The following ADAM19 variants were observed in gnomAD, a reference collection of about 807,000 sequenced individuals.
ADAM19 encodes the protein disintegrin and metalloproteinase domain-containing protein 19.
In ADAM19, 65 loss-of-function variants were observed where a neutral mutation model predicts 114.7. The ratio of observed to expected loss-of-function variants is 0.57; its 90% CI spans 0.46 to 0.70. The LOEUF (loss-of-function observed/expected upper bound fraction) is 0.70. Ranked by LOEUF, ADAM19 falls within the 30% of genes least tolerant of loss-of-function variation. The pLI, the probability that ADAM19 is intolerant of heterozygous loss-of-function variation, is 0.00. For missense variants in ADAM19, 1,063 were observed against 1,204.7 expected (o/e 0.88, Z 1.74); for synonymous variants, 466 against 460.5 (o/e 1.01, Z -0.15).
intron 3 of ADAM19, among the ~76,000 whole-genome samples, chr5:157,544,519 T>C (rs1009808647): frequency 6.6e-6 from 1 of 152,164 alleles, no homozygotes; most frequent in African/African-American, 2.4e-5. Flanking sequence ...CTTTACTTAA[T>C]CCTCTTCAGG....
chr5:157,556,209 CTTTTTTTTTTTT>C (rs68078503), intron 3 of ADAM19, among the ~76,000 whole-genome samples: 1 of 66,328 alleles, frequency 1.5e-5, no homozygotes, highest in African/African-American at 6.0e-5. Context: ...TTTTCTTTTT[CTTTTTTTTTTTT>C]TTTTTTTTTT....
intron 16 of ADAM19, 40 bp from the exon 17 acceptor site, chr5:157,491,952 G>A (rs1407947090): frequency 1.9e-6 from 3 of 1,604,862 alleles, no homozygotes; most frequent in Non-Finnish European, 8.5e-7. Context: ...GCAATGGGAG[G>A]GATGCTGGTT....
chr5:157,502,251 T>C (rs1390400270), intron 12 of ADAM19, among the ~76,000 whole-genome samples: 2 of 152,200 alleles, frequency 1.3e-5, no homozygotes, highest in African/African-American at 4.8e-5. Flanking sequence ...ATGACCGGGC[T>C]CTGCCGTGTA....
chr5:157,498,775 C>T (rs1755453386), intron 13 of ADAM19, among the ~76,000 whole-genome samples: 1 of 151,262 alleles, frequency 6.6e-6, no homozygotes, highest in Non-Finnish European at 1.5e-5. Context: ...AACCCCCCAG[C>T]AAGGCTGGGG....
chr5:157,484,440 C>T (rs1034454893), intron 21 of ADAM19, among the ~76,000 whole-genome samples: 4 of 152,072 alleles, frequency 2.6e-5, no homozygotes, highest in African/African-American at 4.8e-5. Flanking sequence ...CTGTCCCACC[C>T]GCAGGCCCCC....
rs765378508 is a variant in ADAM19, at chr5:157,488,465, G to A, written c.2350C>T (p.Arg784Trp). The A allele has an allele frequency of 1.4e-5, 22 of 1,605,754 alleles. No homozygotes were observed. The highest frequency in any genetic ancestry group is 1.8e-4 in the Middle Eastern group (1 of 5,520). Residue 784 changes from arginine (R) to tryptophan (W), a missense_variant, in exon 21 of 23, where the codon CGG becomes TGG. Transcript: ENST00000257527. ...RKVINTPEIL[R>W]KPSQPPPRPP... ...CGGGGAGGAGGCTGGGAGGGCTTCC[G>A]CAGGATTTCCGGAGTGTTGATCACC... is the stretch of plus-strand genomic sequence containing the variant.
At chr5:157,550,686 G>GA (rs60281885) in intron 3 of ADAM19, among the ~76,000 whole-genome samples, 29,045 of 139,724 alleles carry the variant, frequency 0.21, 3,951 homozygotes, top group African/African-American at 0.39. Context: ...AAGCTGTTTG[G>GA]AAAAAAAAAA....
intron 7 of ADAM19, among the ~76,000 whole-genome samples, chr5:157,516,811 AG>A (rs1003939579): frequency 6.6e-6 from 1 of 152,198 alleles, no homozygotes; most frequent in Non-Finnish European, 1.5e-5. Flanking sequence ...GGCCAGAGTC[AG>A]TTATCTCCTC....
In ADAM19 at chr5:157,509,395, C is replaced by T; in HGVS notation, c.811G>A (p.Val271Ile). ...AGGGTAGAATATGGATTCTCTGAAA[C>T]TTCACACATGTTCCCGTGGGTCCAC... ...EVWTHGNMCE[V>I]SENPYSTLWS... Residue 271 changes from valine (V) to isoleucine (I), a missense_variant, in exon 9 of 23, where the codon GTT becomes ATT. This residue lies in a region of ADAM19 where 615 missense variants were observed against 706.3 expected (regional missense o/e 0.87). Coordinates refer to ENST00000257527, the MANE Select transcript of ADAM19 (RefSeq NM_033274.5). 6 of 1,613,674 alleles carry T rather than the reference C, an allele frequency of 3.7e-6. No homozygotes were observed. The highest frequency in any genetic ancestry group is 5.1e-6 in the Non-Finnish European group (6 of 1,179,818).
intron 3 of ADAM19, among the ~76,000 whole-genome samples, chr5:157,545,635 C>G (rs1355602562): frequency 6.6e-6 from 1 of 152,108 alleles, no homozygotes; most frequent in Non-Finnish European, 1.5e-5. Context: ...TCTGCCCAAC[C>G]CTGACCTCCA....
At chr5:157,516,734 G>A (rs1756101373) in intron 7 of ADAM19, among the ~76,000 whole-genome samples, 1 of 152,156 alleles carries the variant, frequency 6.6e-6, no homozygotes, top group Non-Finnish European at 1.5e-5. Context: ...GTGGAAAAAT[G>A]TCCCAGAGTC....
intron 2 of ADAM19, among the ~76,000 whole-genome samples, chr5:157,565,640 C>T (rs192563563): frequency 3.1e-4 from 46 of 150,350 alleles, no homozygotes; most frequent in African/African-American, 1.0e-3. Context: ...ACCTGGGAGG[C>T]GAAGGTTGCA....
At chr5:157,525,198 G>A (rs1756418791) in intron 5 of ADAM19, among the ~76,000 whole-genome samples, 1 of 152,206 alleles carries the variant, frequency 6.6e-6, no homozygotes, top group Admixed American at 6.5e-5. Flanking sequence ...TGTCCTCTGA[G>A]GGCTTAATCT....
chr5:157,533,432 T>C (rs551357042), intron 4 of ADAM19, among the ~76,000 whole-genome samples: 2 of 152,272 alleles, frequency 1.3e-5, no homozygotes, highest in African/African-American at 2.4e-5. Context: ...CAGCCTGTCA[T>C]GTGGCTTCTC....
In ADAM19 at chr5:157,478,503, G is replaced by T; in HGVS notation, c.*2446C>A. 1.1e-6 allele frequency: 1 copy of T among 902,884 alleles called. No homozygotes were observed. Among genetic ancestry groups the T allele is most frequent in the Non-Finnish European group, 1.3e-6 (1 of 754,862 alleles). The allele number at this position is 902,884 out of a possible 1,614,324, so 55.9% of individuals were successfully genotyped here. ...TTTGCAATATTCCCTTTCCCCTTCTGCAATCGTGCTTTGGAATAAGGTCTC... is the reference window on the plus strand; with the variant it reads ...TTTGCAATATTCCCTTTCCCCTTCTTCAATCGTGCTTTGGAATAAGGTCTC... On this transcript the variant is annotated 3_prime_UTR_variant, in exon 23 of 23. Transcript: ENST00000257527.
intron 7 of ADAM19, 50 bp downstream of exon 7, chr5:157,518,772 GA>G: frequency 7.3e-7 from 1 of 1,362,740 alleles, no homozygotes; most frequent in South Asian, 1.2e-5. Flanking sequence ...GCCTGGAATG[GA>G]AGCTATCAAG....
At chr5:157,531,833 C>G (rs747834332) in intron 4 of ADAM19, among the ~76,000 whole-genome samples, 1 of 152,090 alleles carries the variant, frequency 6.6e-6, no homozygotes, top group Non-Finnish European at 1.5e-5. Flanking sequence ...GATGAAGTTG[C>G]AAGCCAAGGA....
chr5:157,516,637 A>C (rs1332118246), intron 7 of ADAM19, among the ~76,000 whole-genome samples: 1 of 152,190 alleles, frequency 6.6e-6, no homozygotes, highest in Non-Finnish European at 1.5e-5. Flanking sequence ...TGGGGTTCCC[A>C]GGAACTTCCA....
At chr5:157,517,723 A>T (rs1354094941) in intron 7 of ADAM19, among the ~76,000 whole-genome samples, 1 of 152,240 alleles carries the variant, frequency 6.6e-6, no homozygotes, top group Non-Finnish European at 1.5e-5. Context: ...TGCTTGGCAC[A>T]TAATAGAAAA....
Sources: allele counts gnomAD v4.1 joint callset (sites outside exome capture counted in the v4.1 genomes callset), GRCh38; gene constraint gnomAD v4.1.1; regional missense constraint gnomAD v4.1.1; transcripts MANE v1.5; gene names NCBI Gene and HGNC (gene_info 2026-07-23, HGNC 2026-07-21).